The following NTM variants were observed in gnomAD, a reference collection of about 807,000 sequenced individuals.
NTM encodes the protein neurotrimin, also known as IgLON family member 2.
NTM carries 13 observed loss-of-function variants against 42.1 expected under a neutral mutation model. That is an observed-to-expected ratio of 0.31 (90% CI 0.20 to 0.49). The LOEUF (loss-of-function observed/expected upper bound fraction) is 0.49. NTM is among the 20% of genes least tolerant of loss of function. The pLI is 0.99. For missense variants in NTM, 373 were observed against 452.8 expected, an observed-to-expected ratio of 0.82 and a Z score of 1.60; for synonymous variants, 187 against 179.2, an observed-to-expected ratio of 1.04 and a Z score of -0.35.
intron 1 of NTM, among the ~76,000 whole-genome samples, chr11:131,570,536 A>T (rs192640176): frequency 1.3e-4 from 20 of 152,330 alleles, no homozygotes; most frequent in African/African-American, 4.6e-4. Flanking sequence ...TAATAATTCA[A>T]AAACAAGGCC....
intron 1 of NTM, among the ~76,000 whole-genome samples, chr11:131,759,753 T>G (rs904147808): frequency 6.6e-6 from 1 of 152,132 alleles, no homozygotes; most frequent in African/African-American, 2.4e-5. Context: ...AGAATATTCT[T>G]TATCCAGGTC....
At position 131,974,959 on chromosome 11, in the gene NTM, G is replaced by A. The variant is rs144500829; in HGVS notation, c.167+63311G>A. Among the ~76,000 whole-genome samples, 937 of 152,226 alleles carry A rather than the reference G, an allele frequency of 6.2e-3. 10 individuals are homozygous for A. The highest frequency in any genetic ancestry group is 0.022 in the African/African-American group (901 of 41,540). Reference sequence around the variant, plus strand: ...ATGCCTATATCGTGTCCTTCTGCGAGCCTCCACTCCATTTATTAATAGTTT... The same window carrying A: ...ATGCCTATATCGTGTCCTTCTGCGAACCTCCACTCCATTTATTAATAGTTT... On this transcript the variant is annotated intron_variant, in intron 2 of 8. Coordinates refer to ENST00000683400, the MANE Select transcript of NTM (RefSeq NM_001352005.2).
intron 1 of NTM, among the ~76,000 whole-genome samples, chr11:131,583,352 CT>C (rs1334500693): frequency 6.6e-6 from 1 of 152,130 alleles, no homozygotes; most frequent in African/African-American, 2.4e-5. Flanking sequence ...TTCTTTAGCT[CT>C]TGTGGCAAAT....
chr11:131,642,883 A>G (rs2065301483), intron 1 of NTM, among the ~76,000 whole-genome samples: 1 of 152,100 alleles, frequency 6.6e-6, no homozygotes, highest in African/African-American at 2.4e-5. Context: ...CTCTAACAGC[A>G]ATTCTCTCTG....
At chr11:131,995,328 G>A (rs946439127) in intron 2 of NTM, among the ~76,000 whole-genome samples, 1 of 152,110 alleles carries the variant, frequency 6.6e-6, no homozygotes, top group Non-Finnish European at 1.5e-5. Flanking sequence ...TGCTCTGATG[G>A]GACTGCCATT....
At chr11:131,659,706 G>A (rs185376460) in intron 1 of NTM, among the ~76,000 whole-genome samples, 24 of 152,182 alleles carry the variant, frequency 1.6e-4, no homozygotes, top group East Asian at 3.9e-4. Flanking sequence ...CAATGTGATC[G>A]GGATGCAATA....
At position 131,552,537 on chromosome 11, in the gene NTM, C is replaced by T. The variant is rs200126473; in HGVS notation, c.82+181649C>T. ...AAAAAAAAAAATACCCTCAAGAGGC[C>T]GAGCGCGGTGGCTCACAACTGTAAT... On this transcript the variant is annotated intron_variant, in intron 1 of 8. Coordinates refer to ENST00000683400, the MANE Select transcript of NTM (RefSeq NM_001352005.2). Among the ~76,000 whole-genome samples the T allele has an allele frequency of 6.3e-5, 9 of 143,116 alleles. No homozygotes were observed. The East Asian group carries it at 8.8e-4, about 14-fold the overall frequency. 93.9% of individuals were successfully genotyped at this position (143,116 alleles called of 152,430 possible).
At chr11:131,411,483 A>C (rs1946399333) in intron 1 of NTM, among the ~76,000 whole-genome samples, 1 of 151,436 alleles carries the variant, frequency 6.6e-6, no homozygotes, top group Non-Finnish European at 1.5e-5. Flanking sequence ...ATTTTATTTC[A>C]CCAGACAAGA....
intron 1 of NTM, among the ~76,000 whole-genome samples, chr11:131,824,607 A>G (rs2041911919): frequency 3.9e-5 from 6 of 152,232 alleles, no homozygotes; most frequent in Admixed American, 3.9e-4. Context: ...TCACTCACTC[A>G]TTCAAAGAGC....
intron 1 of NTM, among the ~76,000 whole-genome samples, chr11:131,745,116 C>A (rs2081649187): frequency 6.6e-6 from 1 of 152,224 alleles, no homozygotes; most frequent in African/African-American, 2.4e-5. Flanking sequence ...CTGACTTGCT[C>A]TCTGATTGAT....
chr11:131,839,145 A>G (rs1327094464), intron 1 of NTM, among the ~76,000 whole-genome samples: 1 of 152,008 alleles, frequency 6.6e-6, no homozygotes, highest in Non-Finnish European at 1.5e-5. Flanking sequence ...TATTTTTAGT[A>G]GAGACAGGCT....
chr11:131,602,857 C>T (rs1222855319), intron 1 of NTM, among the ~76,000 whole-genome samples: 1 of 152,198 alleles, frequency 6.6e-6, no homozygotes, highest in Admixed American at 6.5e-5. Flanking sequence ...AGAGTCATCC[C>T]TGAAGCTTTT....
At chr11:131,907,013 A>T (rs594269) in intron 1 of NTM, among the ~76,000 whole-genome samples, 9,476 of 152,150 alleles carry the variant, frequency 0.062, 299 homozygotes, top group East Asian at 0.14. Context: ...CCAGATTTAC[A>T]CATCCTTTTC....
At chr11:132,018,397 A>T (rs2073787938) in intron 2 of NTM, among the ~76,000 whole-genome samples, 1 of 152,020 alleles carries the variant, frequency 6.6e-6, no homozygotes. Context: ...ATTGAACCTA[A>T]TCCTCTTGGT....
At chr11:131,574,499 A>G (rs991761830) in intron 1 of NTM, among the ~76,000 whole-genome samples, 1 of 152,146 alleles carries the variant, frequency 6.6e-6, no homozygotes, top group Non-Finnish European at 1.5e-5. Context: ...GGCCTAAGGT[A>G]TCCCCACTGG....
At chr11:132,176,721 A>ATTTTTTTT (rs2076866542) in intron 3 of NTM, among the ~76,000 whole-genome samples, 1 of 65,398 alleles carries the variant, frequency 1.5e-5, no homozygotes, top group Non-Finnish European at 3.5e-5. Flanking sequence ...ACATGCCTAA[A>ATTTTTTTT]GTTTTTTTTT....
chr11:132,129,218 G>C (rs775950623), intron 2 of NTM, among the ~76,000 whole-genome samples: 1 of 152,126 alleles, frequency 6.6e-6, no homozygotes, highest in Non-Finnish European at 1.5e-5. Context: ...ATCCAAAACT[G>C]TTTGCATTTC....
chr11:132,171,870 C>A (rs2076165345), intron 3 of NTM, among the ~76,000 whole-genome samples: 2 of 152,230 alleles, frequency 1.3e-5, no homozygotes, highest in African/African-American at 4.8e-5. Context: ...CTGCCCCTCT[C>A]TTGTTGGGAC....
At position 131,593,749 on chromosome 11, in the gene NTM, G is replaced by T. The variant is rs140566443; in HGVS notation, c.82+222861G>T. Among the ~76,000 whole-genome samples, 3 of 152,206 alleles carry T rather than the reference G, an allele frequency of 2.0e-5. No homozygotes were observed. The South Asian group carries it at 6.2e-4, about 32-fold the overall frequency. On this transcript the variant is annotated intron_variant, in intron 1 of 8. Coordinates refer to ENST00000683400, the MANE Select transcript of NTM (RefSeq NM_001352005.2). ...TGTATTTTGTTGTATTTTCTTTTGC[G>T]CCACATTCTGTGGCCTCACGAGGAT... is the stretch of plus-strand genomic sequence containing the variant.
Sources: allele counts gnomAD v4.1 joint callset (sites outside exome capture counted in the v4.1 genomes callset), GRCh38; gene constraint gnomAD v4.1.1; transcripts MANE v1.5; gene names NCBI Gene and HGNC (gene_info 2026-07-23, HGNC 2026-07-21).